The following CECR2 variants were observed in gnomAD, a reference collection of about 807,000 sequenced individuals.
CECR2 encodes the protein CECR2 histone acetyl-lysine reader.
CECR2 carries 30 observed loss-of-function variants against 154.5 expected under a neutral mutation model. The ratio of observed to expected loss-of-function variants is 0.19; its 90% CI spans 0.15 to 0.26. CECR2 has a LOEUF of 0.26. Ranked by LOEUF, CECR2 falls within the 10% of genes least tolerant of loss-of-function variation. The pLI is 1.00. For synonymous variants in CECR2, 725 were observed against 683.7 expected (o/e 1.06, Z -0.94); for missense variants, 1,743 against 1,829.3 (o/e 0.95, Z 0.86).
chr22:17,552,774 G>GTTTGTTTTTTTTTTTTTTT, intron 18 of CECR2, 61 bp from the exon 19 acceptor site: 3 of 933,470 alleles, frequency 3.2e-6, no homozygotes, highest in Non-Finnish European at 4.5e-6. Flanking sequence ...GCTTACTTAA[G>GTTTGTTTTTTTTTTTTTTT]TTTTTTTTTT....
chr22:17,534,162 GGGTTTTTCAGAAACAGTGCCA>G (rs2056401628), intron 9 of CECR2, among the ~76,000 whole-genome samples: 1 of 152,154 alleles, frequency 6.6e-6, no homozygotes, highest in South Asian at 2.1e-4. Flanking sequence ...GAGAAAACAT[GGGTTTTTCAGAAACAGTGCCA>G]GGCGTGGTGG....
At chr22:17,514,165 T>C (rs940039712) in intron 8 of CECR2, among the ~76,000 whole-genome samples, 4 of 152,202 alleles carry the variant, frequency 2.6e-5, no homozygotes, top group Admixed American at 6.5e-5. Flanking sequence ...GGGGAAAATA[T>C]CAGTGAGGGG....
At chr22:17,416,964 G>C (rs1458739951) in intron 1 of CECR2, among the ~76,000 whole-genome samples, 1 of 150,902 alleles carries the variant, frequency 6.6e-6, no homozygotes, top group Admixed American at 6.6e-5. Context: ...AAGTGTCACA[G>C]TATGAATCTT....
At chr22:17,494,125 G>A (rs1270582865) in intron 2 of CECR2, among the ~76,000 whole-genome samples, 2 of 152,106 alleles carry the variant, frequency 1.3e-5, no homozygotes, top group Non-Finnish European at 2.9e-5. Flanking sequence ...TGGAGACGGC[G>A]TTTCTTCTTG....
chr22:17,543,055 C>G, intron 16 of CECR2, 52 bp downstream of exon 16: 2 of 1,517,516 alleles, frequency 1.3e-6, no homozygotes, highest in South Asian at 2.6e-5. Context: ...CATGAGTAAT[C>G]TTTTTACACA....
intron 17 of CECR2, among the ~76,000 whole-genome samples, chr22:17,550,665 A>G (rs1394723887): frequency 1.3e-5 from 2 of 152,170 alleles, no homozygotes; most frequent in Non-Finnish European, 2.9e-5. Context: ...TGAAGCGGCC[A>G]GGCGCGGTGG....
At chr22:17,460,782 C>G (rs896609569) in intron 1 of CECR2, among the ~76,000 whole-genome samples, 6 of 152,228 alleles carry the variant, frequency 3.9e-5, no homozygotes, top group Non-Finnish European at 1.5e-5. Flanking sequence ...CCTATCTTTT[C>G]ACATCACAGC....
At chr22:17,458,116 G>A (rs2054881978) in intron 1 of CECR2, among the ~76,000 whole-genome samples, 1 of 151,998 alleles carries the variant, frequency 6.6e-6, no homozygotes, top group Non-Finnish European at 1.5e-5. Flanking sequence ...CAATACATAT[G>A]ATAAAACTGC....
At chr22:17,395,866 T>C (rs2053801423) in intron 1 of CECR2, among the ~76,000 whole-genome samples, 2 of 151,848 alleles carry the variant, frequency 1.3e-5, no homozygotes, top group Admixed American at 1.3e-4. Flanking sequence ...TTAGAAATAA[T>C]TTATTTGCAT....
chr22:17,533,487 A>G (rs892195465), intron 9 of CECR2, among the ~76,000 whole-genome samples: 1 of 151,652 alleles, frequency 6.6e-6, no homozygotes, highest in Non-Finnish European at 1.5e-5. Context: ...ATAATTACCC[A>G]GGCATAGTGG....
At position 17,542,510 on chromosome 22, in the gene CECR2, T is replaced by C. The variant is rs753869564; in HGVS notation, c.2367T>C (p.Asp789=). ...CGAACCAAGGACCCTTGGGCCCAGA[T>C]GAGAAGCCCCACCTGGGGCCAGGAC... ...GATNQGPLGP[D]EKPHLGPGPS... is the part of the protein sequence containing the mutation. The change falls in exon 16 of 19, where the codon GAT becomes GAC. Residue 789 remains aspartate (D), a synonymous_variant. Transcript: ENST00000262608. 8.1e-6 allele frequency: 13 copies of C among 1,613,924 alleles called. No individual in the cohort carries two copies. The highest frequency in any genetic ancestry group is 3.3e-5 in the Admixed American group (2 of 60,010).
intron 1 of CECR2, among the ~76,000 whole-genome samples, chr22:17,465,663 T>G (rs1445373137): frequency 6.6e-6 from 1 of 152,022 alleles, no homozygotes; most frequent in African/African-American, 2.4e-5. Context: ...TTTTGTATTT[T>G]TAGTAGAGAC....
At chr22:17,448,754 G>A (rs2054717590) in intron 1 of CECR2, among the ~76,000 whole-genome samples, 1 of 152,144 alleles carries the variant, frequency 6.6e-6, no homozygotes, top group South Asian at 2.1e-4. Context: ...CTTGAACTCT[G>A]TAGCACTTAA....
rs1332083228 is a variant in CECR2 at position 17,542,783 on chromosome 22, G to A, written c.2640G>A (p.Met880Ile). 2 of 1,613,852 alleles carry A rather than the reference G, an allele frequency of 1.2e-6. No homozygotes were observed. The highest frequency in any genetic ancestry group is 1.7e-6 in the Non-Finnish European group (2 of 1,179,886). Reference sequence around the variant, plus strand: ...GGGTGCAGGGAGGGGACTCCATGATGGACAGCCCAGAGATGATTGCGATGC... The same window carrying A: ...GGGTGCAGGGAGGGGACTCCATGATAGACAGCCCAGAGATGATTGCGATGC... ...LRGVQGGDSM[M>I]DSPEMIAMQQ... Residue 880 changes from methionine (M) to isoleucine (I), a missense_variant, in exon 16 of 19, where the codon ATG (methionine) becomes ATA (isoleucine). Met to Ile is a conservative substitution (Grantham distance 10, BLOSUM62 1). This residue lies in a region of CECR2 where 1,250 missense variants were observed against 1,192.1 expected (regional missense o/e 1.05). Transcript: ENST00000262608.
At chr22:17,430,958 C>T (rs2054412564) in intron 1 of CECR2, among the ~76,000 whole-genome samples, 1 of 152,154 alleles carries the variant, frequency 6.6e-6, no homozygotes, top group African/African-American at 2.4e-5. Flanking sequence ...CACAACAGTG[C>T]CTCGTCTGTG....
At chr22:17,473,218 C>A (rs2055157007) in intron 1 of CECR2, among the ~76,000 whole-genome samples, 1 of 152,188 alleles carries the variant, frequency 6.6e-6, no homozygotes, top group Admixed American at 6.5e-5. Flanking sequence ...GATTAGCTGC[C>A]TTTTCTGCTG....
intron 1 of CECR2, among the ~76,000 whole-genome samples, chr22:17,409,019 G>A (rs2054028155): frequency 6.6e-6 from 1 of 152,188 alleles, no homozygotes; most frequent in African/African-American, 2.4e-5. Context: ...CCTGCTCATG[G>A]TTTCCAGCTT....
At chr22:17,362,738 T>C (rs986847444) in intron 1 of CECR2, among the ~76,000 whole-genome samples, 10 of 151,546 alleles carry the variant, frequency 6.6e-5, no homozygotes, top group Non-Finnish European at 1.0e-4. Flanking sequence ...CCTGTCTCTA[T>C]GAAAAATACA....
At position 17,552,096 on chromosome 22, in the gene CECR2, A is replaced by AG; in HGVS notation, c.4345dup (p.Glu1449GlyfsTer7). The AG allele has an allele frequency of 1.2e-6, 2 of 1,613,954 alleles. No homozygotes were observed. Among genetic ancestry groups the AG allele is most frequent in the Non-Finnish European group, 1.7e-6 (2 of 1,179,892 alleles). On this transcript the variant is annotated frameshift_variant, in exon 18 of 19. Transcript: ENST00000262608. LOFTEE classifies it high-confidence loss of function. ...AAGACCCCCACAGCAGCAACATCAC[A>AG]GGAGGAGGTGCCGCCTCATAAGCCT... is the stretch of plus-strand genomic sequence containing the variant.
Sources: gnomAD v4.1 joint callset for allele counts (sites outside exome capture counted in the v4.1 genomes callset) on GRCh38, gnomAD v4.1.1 for gene constraint, gnomAD v4.1.1 regional missense constraint, MANE v1.5 for transcripts, NCBI Gene and HGNC (gene_info 2026-07-23, HGNC 2026-07-21) for gene names.